The following FGF12 variants were observed in gnomAD, a reference collection of about 807,000 sequenced individuals.
The protein encoded by FGF12 is fibroblast growth factor 12, also known as fibroblast growth factor 12B.
A neutral mutation model predicts 23.6 loss-of-function variants in FGF12; 14 were observed. The observed-to-expected ratio is 0.59, with a 90% confidence interval of 0.39 to 0.93. The LOEUF (loss-of-function observed/expected upper bound fraction) is 0.93. FGF12 is among the 40% of genes least tolerant of loss of function. The pLI, the probability that FGF12 is intolerant of heterozygous loss-of-function variation, is 0.00. For synonymous variants in FGF12, 62 were observed against 77.3 expected (o/e 0.80, Z 1.04); for missense variants, 175 against 217.8 (o/e 0.80, Z 1.24).
chr3:192,443,270 C>A (rs992423918), intron 2 of FGF12, among the ~76,000 whole-genome samples: 1 of 152,120 alleles, frequency 6.6e-6, no homozygotes, highest in Non-Finnish European at 1.5e-5. Flanking sequence ...TCAGAGATAA[C>A]CTTAAGTGAG....
At chr3:192,559,497 GTTA>G (rs2108593003) in intron 2 of FGF12, among the ~76,000 whole-genome samples, 1 of 152,028 alleles carries the variant, frequency 6.6e-6, no homozygotes, top group East Asian at 1.9e-4. Context: ...GTGTATATAT[GTTA>G]TTATACATTT....
At chr3:192,307,387 T>C (rs188254760) in intron 4 of FGF12, among the ~76,000 whole-genome samples, 6 of 152,320 alleles carry the variant, frequency 3.9e-5, no homozygotes, top group Non-Finnish European at 5.9e-5. Flanking sequence ...ATATCAGAGA[T>C]AGCAGCAACG....
At chr3:192,207,419 C>T (rs1717710287) in intron 4 of FGF12, among the ~76,000 whole-genome samples, 1 of 152,152 alleles carries the variant, frequency 6.6e-6, no homozygotes, top group South Asian at 2.1e-4. Flanking sequence ...AATGCTGGAA[C>T]AGTGATATTT....
At chr3:192,554,541 T>C (rs751193421) in intron 2 of FGF12, among the ~76,000 whole-genome samples, 4 of 152,208 alleles carry the variant, frequency 2.6e-5, no homozygotes, top group Non-Finnish European at 4.4e-5. Flanking sequence ...CTCTCTAGAA[T>C]ATCTAGCTGG....
chr3:192,449,957 C>T (rs1376634805), intron 2 of FGF12, among the ~76,000 whole-genome samples: 2 of 152,124 alleles, frequency 1.3e-5, no homozygotes, highest in African/African-American at 4.8e-5. Context: ...TCTTACTAGC[C>T]AATTTTCTGT....
At chr3:192,528,779 T>G (rs1188334704) in intron 2 of FGF12, among the ~76,000 whole-genome samples, 1 of 152,182 alleles carries the variant, frequency 6.6e-6, no homozygotes, top group East Asian at 1.9e-4. Context: ...ACATTGGAAC[T>G]ACCAAGGCTT....
chr3:192,370,986 T>G (rs1181042629), intron 2 of FGF12, among the ~76,000 whole-genome samples: 1 of 152,210 alleles, frequency 6.6e-6, no homozygotes, highest in African/African-American at 2.4e-5. Context: ...CCAAATACCT[T>G]CTTGCCTTTT....
Position 192,162,518 on chromosome 3 carries a change from A to G in FGF12, c.427+7940T>C, listed in dbSNP as rs1309534246. On this transcript the variant is annotated intron_variant, in intron 5 of 5. Transcript: ENST00000445105. ...CAGAAACCAGAAAAAACTGGTTTGA[A>G]TAAGTTACAATGGTTTGCAGGAGGA... Among the ~76,000 whole-genome samples, 5 of 152,262 alleles carry G rather than the reference A, an allele frequency of 3.3e-5. No homozygotes were observed. The East Asian group carries it at 9.6e-4, about 29-fold the overall frequency.
intron 2 of FGF12, among the ~76,000 whole-genome samples, chr3:192,390,840 G>A (rs1303084925): frequency 1.3e-5 from 2 of 152,206 alleles, no homozygotes; most frequent in Non-Finnish European, 2.9e-5. Flanking sequence ...TTTGCTAAGT[G>A]TCTACTAGGT....
intron 5 of FGF12, among the ~76,000 whole-genome samples, chr3:192,148,853 G>A (rs1260001665): frequency 6.6e-6 from 1 of 152,164 alleles, no homozygotes; most frequent in Non-Finnish European, 1.5e-5. Context: ...AATATTCTAG[G>A]ACTGTGCTGC....
At chr3:192,219,701 G>A (rs1477243825) in intron 4 of FGF12, among the ~76,000 whole-genome samples, 2 of 152,194 alleles carry the variant, frequency 1.3e-5, no homozygotes, top group Non-Finnish European at 2.9e-5. Context: ...ATTCTGGGGT[G>A]AGACTCAGGA....
Position 192,639,987 on chromosome 3 carries a change from A to T in FGF12, c.13+87194T>A, listed in dbSNP as rs542302727. ...AAACACAGAAAGAAAAATATTGCCT[A>T]ATCTCACTTATATGTAGAATTAAAA... is the stretch of plus-strand genomic sequence containing the variant. On this transcript the variant is annotated intron_variant, in intron 2 of 5. Coordinates refer to ENST00000445105, the MANE Select transcript of FGF12 (RefSeq NM_004113.6). Among the ~76,000 whole-genome samples the T allele has an allele frequency of 1.3e-5, 2 of 152,234 alleles. 1 individual carries two copies. Among genetic ancestry groups the T allele is most frequent in the East Asian group, 3.9e-4 (2 of 5,184 alleles).
At chr3:192,158,378 CTT>C (rs1490109116) in intron 5 of FGF12, among the ~76,000 whole-genome samples, 5 of 111,284 alleles carry the variant, frequency 4.5e-5, no homozygotes, top group African/African-American at 7.1e-5. Flanking sequence ...TTCTTTCTTT[CTT>C]TCTTTTCTTT....
intron 4 of FGF12, among the ~76,000 whole-genome samples, chr3:192,199,366 A>T (rs1717241574): frequency 6.6e-6 from 1 of 152,226 alleles, no homozygotes. Flanking sequence ...ATAGCATTTC[A>T]TGTAAGACAT....
At chr3:192,164,853 C>T (rs1715071781) in intron 5 of FGF12, among the ~76,000 whole-genome samples, 1 of 152,158 alleles carries the variant, frequency 6.6e-6, no homozygotes, top group African/African-American at 2.4e-5. Context: ...TAGCTAATCT[C>T]TTATGCTATC....
intron 2 of FGF12, among the ~76,000 whole-genome samples, chr3:192,477,665 T>C (rs1723365793): frequency 6.6e-6 from 1 of 152,206 alleles, no homozygotes; most frequent in African/African-American, 2.4e-5. Flanking sequence ...GAGTCAAGTC[T>C]GGCCCCAAAA....
intron 2 of FGF12, among the ~76,000 whole-genome samples, chr3:192,366,830 C>A (rs557253160): frequency 7.2e-5 from 11 of 152,136 alleles, no homozygotes; most frequent in Non-Finnish European, 1.6e-4. Context: ...TCTCCACGTT[C>A]TTGAAAATCC....
At chr3:192,598,182 A>G (rs1444117574) in intron 2 of FGF12, among the ~76,000 whole-genome samples, 3 of 152,242 alleles carry the variant, frequency 2.0e-5, no homozygotes, top group Non-Finnish European at 4.4e-5. Flanking sequence ...TCTAACTGGT[A>G]TAACAGAACT....
chr3:192,709,720 T>C (rs1295430997), intron 2 of FGF12, among the ~76,000 whole-genome samples: 2 of 152,202 alleles, frequency 1.3e-5, no homozygotes, highest in African/African-American at 2.4e-5. Context: ...TGGAAAATTA[T>C]TGCTTGAATA....
Sources: gnomAD v4.1 joint callset for allele counts (sites outside exome capture counted in the v4.1 genomes callset) on GRCh38, gnomAD v4.1.1 for gene constraint, MANE v1.5 for transcripts, NCBI Gene and HGNC (gene_info 2026-07-23, HGNC 2026-07-21) for gene names.